The following WDFY2 variants were observed in gnomAD, a reference collection of about 807,000 sequenced individuals.
WDFY2 encodes the protein WD repeat and FYVE domain containing 2.
A neutral mutation model predicts 56.4 loss-of-function variants in WDFY2; 36 were observed. That is an observed-to-expected ratio of 0.64 (90% CI 0.49 to 0.84). WDFY2 has a LOEUF of 0.84. Ranked by LOEUF, WDFY2 falls within the 40% of genes least tolerant of loss-of-function variation. WDFY2 has a pLI of 0.00. For missense variants in WDFY2, 444 were observed against 512.2 expected, an observed-to-expected ratio of 0.87 and a Z score of 1.29; for synonymous variants, 176 against 183.7, an observed-to-expected ratio of 0.96 and a Z score of 0.34.
intron 1 of WDFY2, among the ~76,000 whole-genome samples, chr13:51,601,571 T>G (rs1954283575): frequency 6.6e-6 from 1 of 152,152 alleles, no homozygotes; most frequent in Non-Finnish European, 1.5e-5. Context: ...CCTGCCACCA[T>G]GCCCGGCTAA....
intron 3 of WDFY2, among the ~76,000 whole-genome samples, chr13:51,691,800 A>T (rs1956164767): frequency 6.6e-6 from 1 of 151,860 alleles, no homozygotes; most frequent in Non-Finnish European, 1.5e-5. Flanking sequence ...TGTGGCCATT[A>T]TCACGATATT....
chr13:51,755,686 T>A (rs185655120), intron 9 of WDFY2, among the ~76,000 whole-genome samples: 5 of 152,316 alleles, frequency 3.3e-5, no homozygotes, highest in African/African-American at 1.2e-4. Flanking sequence ...GATGTGATTT[T>A]AGAATTCTGT....
chr13:51,608,310 T>G (rs556919243), intron 1 of WDFY2, among the ~76,000 whole-genome samples: 1 of 152,386 alleles, frequency 6.6e-6, no homozygotes, highest in African/African-American at 2.4e-5. Flanking sequence ...TAAAATCCCC[T>G]ATTTTTCCTC....
intron 1 of WDFY2, among the ~76,000 whole-genome samples, chr13:51,654,781 C>A (rs1280706719): frequency 6.6e-6 from 1 of 152,066 alleles, no homozygotes; most frequent in Non-Finnish European, 1.5e-5. Context: ...AGATGCAGAA[C>A]CTTTTTTTTC....
chr13:51,691,761 G>A (rs1286659549), intron 3 of WDFY2, among the ~76,000 whole-genome samples: 2 of 151,564 alleles, frequency 1.3e-5, no homozygotes, highest in African/African-American at 4.9e-5. Context: ...GATGGGGATG[G>A]CATTGAATCT....
intron 7 of WDFY2, among the ~76,000 whole-genome samples, chr13:51,740,164 A>G (rs60420414): frequency 0.013 from 2,052 of 152,274 alleles, 55 homozygotes; most frequent in African/African-American, 0.048. Context: ...TAAACTAATT[A>G]AATTTTGGAT....
At chr13:51,589,542 A>G (rs1954005553) in intron 1 of WDFY2, 1 of 152,146 alleles carries the variant, frequency 6.6e-6, no homozygotes, top group Admixed American at 6.5e-5. Flanking sequence ...TGCTTCAACC[A>G]TTAGTTTGAT....
At chr13:51,651,973 T>C (rs1237146490) in intron 1 of WDFY2, among the ~76,000 whole-genome samples, 1 of 152,180 alleles carries the variant, frequency 6.6e-6, no homozygotes, top group Non-Finnish European at 1.5e-5. Flanking sequence ...TTCTGTCTCG[T>C]TGATCTGTCT....
At chr13:51,720,028 A>G (rs1421270645) in intron 5 of WDFY2, among the ~76,000 whole-genome samples, 1 of 152,158 alleles carries the variant, frequency 6.6e-6, no homozygotes, top group Non-Finnish European at 1.5e-5. Flanking sequence ...GCATGTGTGG[A>G]TGCAGGTACC....
At chr13:51,629,165 TC>T (rs1214126779) in intron 1 of WDFY2, among the ~76,000 whole-genome samples, 1 of 152,202 alleles carries the variant, frequency 6.6e-6, no homozygotes, top group Non-Finnish European at 1.5e-5. Flanking sequence ...TTCTCTCTCT[TC>T]CAGTGAGGAA....
intron 1 of WDFY2, among the ~76,000 whole-genome samples, chr13:51,652,014 T>C (rs1955398926): frequency 6.6e-6 from 1 of 152,230 alleles, no homozygotes; most frequent in Non-Finnish European, 1.5e-5. Context: ...TGTTCAAGTC[T>C]CCCATTATTA....
chr13:51,639,311 A>G (rs1052084165), intron 1 of WDFY2, among the ~76,000 whole-genome samples: 1 of 152,208 alleles, frequency 6.6e-6, no homozygotes, highest in Admixed American at 6.5e-5. Flanking sequence ...ATGAGTATAC[A>G]TTATGCATCA....
intron 3 of WDFY2, among the ~76,000 whole-genome samples, chr13:51,684,972 C>G (rs1356339971): frequency 6.6e-6 from 1 of 152,144 alleles, no homozygotes; most frequent in Non-Finnish European, 1.5e-5. Flanking sequence ...AAATGAAGCT[C>G]CAAGCCCTTC....
At chr13:51,641,349 G>A (rs951147087) in intron 1 of WDFY2, among the ~76,000 whole-genome samples, 5 of 151,914 alleles carry the variant, frequency 3.3e-5, no homozygotes, top group African/African-American at 7.2e-5. Context: ...GATTACAGGC[G>A]TGAGCCACCG....
At position 51,740,393 on chromosome 13, in the gene WDFY2, A is replaced by C. The variant is rs115791992; in HGVS notation, c.725+1218A>C. 9.1e-3 allele frequency among the ~76,000 whole-genome samples: 1,391 copies of C among 152,264 alleles called. 18 individuals carry two copies. Among genetic ancestry groups the C allele is most frequent in the African/African-American group, 0.032 (1,315 of 41,534 alleles). On this transcript the variant is annotated intron_variant, in intron 7 of 11. Coordinates refer to ENST00000298125, the MANE Select transcript of WDFY2 (RefSeq NM_052950.4). ...ACACACATCCAGGTCCTGTAGAAGG[A>C]GTTCACATCATCCACGTAAGAGAAG... is the stretch of plus-strand genomic sequence containing the variant.
At chr13:51,586,719 G>A (rs934025112) in intron 1 of WDFY2, 5 of 152,150 alleles carry the variant, frequency 3.3e-5, no homozygotes, top group Non-Finnish European at 5.9e-5. Flanking sequence ...GAAATGCAAT[G>A]TTCAGCTATG....
intron 1 of WDFY2, among the ~76,000 whole-genome samples, chr13:51,636,461 G>A (rs1468650019): frequency 6.6e-6 from 1 of 152,198 alleles, no homozygotes; most frequent in Non-Finnish European, 1.5e-5. Flanking sequence ...ATGGAGAACA[G>A]CCAGTCCTTG....
At position 51,584,757 on chromosome 13, in the gene WDFY2, C is replaced by T; in HGVS notation, c.70C>T (p.Gln24Ter). ...PILLQRMEGSQEVVNMAVIVP... is the reference protein window; with the variant it reads ...PILLQRMEGS ...CCTGCTGCAGCGGATGGAGGGGTCCCAGGAGGTGGTGAATATGGCCGTGAT... is the reference window on the plus strand; with the variant it reads ...CCTGCTGCAGCGGATGGAGGGGTCCTAGGAGGTGGTGAATATGGCCGTGAT... Residue 24 changes from glutamine (Q) to a stop codon, truncating the protein, a stop_gained, in exon 1 of 12, where the codon CAG becomes TAG. Coordinates refer to ENST00000298125, the MANE Select transcript of WDFY2 (RefSeq NM_052950.4). LOFTEE classifies it high-confidence loss of function. 1 of 1,613,892 alleles carries T rather than the reference C, an allele frequency of 6.2e-7. No homozygotes were observed. The highest frequency in any genetic ancestry group is 8.5e-7 in the Non-Finnish European group (1 of 1,179,822).
intron 7 of WDFY2, among the ~76,000 whole-genome samples, chr13:51,748,052 G>A (rs1179325700): frequency 6.6e-6 from 1 of 152,070 alleles, no homozygotes; most frequent in Non-Finnish European, 1.5e-5. Flanking sequence ...CTTACTCTCT[G>A]TGTTCCCTTG....
Sources: allele counts gnomAD v4.1 joint callset (sites outside exome capture counted in the v4.1 genomes callset), GRCh38; gene constraint gnomAD v4.1.1; transcripts MANE v1.5; gene names NCBI Gene and HGNC (gene_info 2026-07-23, HGNC 2026-07-21).